KCNIP4: variants seen among roughly 807,000 people sequenced by gnomAD.
KCNIP4 encodes potassium voltage-gated channel interacting protein 4.
A neutral mutation model predicts 34.0 loss-of-function variants in KCNIP4; 12 were observed. That is an observed-to-expected ratio of 0.35 (90% CI 0.23 to 0.57). The LOEUF (loss-of-function observed/expected upper bound fraction) is 0.57, where lower values mean the gene tolerates loss of function less well. Ranked by LOEUF, KCNIP4 falls within the 20% of genes least tolerant of loss-of-function variation. The probability of loss-of-function intolerance (pLI) is 0.83; values close to 1 mark genes in which losing one functional copy is unlikely to be tolerated. For synonymous variants in KCNIP4, 124 were observed against 102.2 expected (o/e 1.21, Z -1.29); for missense variants, 238 against 311.7 (o/e 0.76, Z 1.78).
intron 1 of KCNIP4, among the ~76,000 whole-genome samples, chr4:21,514,955 C>G (rs1734638416): frequency 6.6e-6 from 1 of 152,200 alleles, no homozygotes; most frequent in Non-Finnish European, 1.5e-5. Flanking sequence ...CTATCCTAAA[C>G]ATGACCTATG....
At chr4:21,166,140 C>A (rs1414327139) in intron 1 of KCNIP4, among the ~76,000 whole-genome samples, 1 of 152,098 alleles carries the variant, frequency 6.6e-6, no homozygotes, top group Non-Finnish European at 1.5e-5. Context: ...TTTGTTATAG[C>A]ATCACAAATG....
intron 1 of KCNIP4, among the ~76,000 whole-genome samples, chr4:21,601,944 G>A (rs564504492): frequency 6.6e-6 from 1 of 152,202 alleles, no homozygotes; most frequent in South Asian, 2.1e-4. Flanking sequence ...ACTTTACTGT[G>A]CTTTATTTTC....
At chr4:20,779,749 A>G (rs1756705014) in intron 3 of KCNIP4, among the ~76,000 whole-genome samples, 1 of 152,034 alleles carries the variant, frequency 6.6e-6, no homozygotes, top group East Asian at 1.9e-4. Context: ...ACAGAGGAGG[A>G]AGGGATATGA....
chr4:21,350,934 A>T lies in KCNIP4; in HGVS notation c.62-468225T>A, dbSNP rs1328668562. Among the ~76,000 whole-genome samples, 3 of 152,204 alleles carry T rather than the reference A, an allele frequency of 2.0e-5. 1 individual carries two copies. The highest frequency in any genetic ancestry group is 1.3e-4 in the Admixed American group (2 of 15,268). ...ACTGTTATATCTTATAATGGAAGAA[A>T]ATCTGACTGTGGAGAAGTTACTGAG... is the stretch of plus-strand genomic sequence containing the variant. On this transcript the variant is annotated intron_variant, in intron 1 of 8. Coordinates refer to ENST00000382152, the MANE Select transcript of KCNIP4 (RefSeq NM_025221.6).
At chr4:21,892,386 C>T (rs2109403900) in intron 1 of KCNIP4, among the ~76,000 whole-genome samples, 1 of 151,704 alleles carries the variant, frequency 6.6e-6, no homozygotes, top group South Asian at 2.1e-4. Flanking sequence ...CCTCACAGGG[C>T]AGGGCAGTTA....
At chr4:21,455,822 T>TGTTCTC (rs757485848) in intron 1 of KCNIP4, among the ~76,000 whole-genome samples, 1 of 54,434 alleles carries the variant, frequency 1.8e-5, no homozygotes, top group Non-Finnish European at 4.1e-5. Flanking sequence ...TATATATATA[T>TGTTCTC]ATATATATAT....
intron 1 of KCNIP4, among the ~76,000 whole-genome samples, chr4:20,956,105 T>G (rs1577431145): frequency 1.3e-5 from 2 of 152,226 alleles, no homozygotes; most frequent in South Asian, 4.1e-4. Flanking sequence ...GGATCTATCT[T>G]TCACTCTTAG....
At chr4:21,830,533 G>A (rs527750163) in intron 1 of KCNIP4, among the ~76,000 whole-genome samples, 16 of 151,988 alleles carry the variant, frequency 1.1e-4, no homozygotes, top group East Asian at 3.9e-4. Context: ...ACAAAAATTC[G>A]CCGGGTGCCA....
intron 1 of KCNIP4, among the ~76,000 whole-genome samples, chr4:20,975,288 G>A (rs562588867): frequency 6.6e-6 from 1 of 152,150 alleles, no homozygotes; most frequent in African/African-American, 2.4e-5. Context: ...GCTCAATGTA[G>A]TGCAACAGTC....
At chr4:21,399,876 G>A (rs763798063) in intron 1 of KCNIP4, among the ~76,000 whole-genome samples, 35 of 152,262 alleles carry the variant, frequency 2.3e-4, no homozygotes, top group Non-Finnish European at 4.0e-4. Flanking sequence ...GTGGAGCAGG[G>A]CCAGTAGAGA....
intron 1 of KCNIP4, among the ~76,000 whole-genome samples, chr4:21,907,629 C>A (rs1409645564): frequency 6.6e-6 from 1 of 152,072 alleles, no homozygotes; most frequent in Non-Finnish European, 1.5e-5. Flanking sequence ...ATGTCAATTG[C>A]CTTTGAAACG....
chr4:21,765,640 GT>G (rs939610242), intron 1 of KCNIP4, among the ~76,000 whole-genome samples: 6 of 150,938 alleles, frequency 4.0e-5, no homozygotes, highest in African/African-American at 1.5e-4. Context: ...TTTTTCTTGT[GT>G]TAATACATAT....
chr4:20,790,728 C>A (rs1213455186), intron 3 of KCNIP4, among the ~76,000 whole-genome samples: 1 of 152,058 alleles, frequency 6.6e-6, no homozygotes, highest in African/African-American at 2.4e-5. Flanking sequence ...GTTGACAAAG[C>A]CATAAGAAAA....
intron 1 of KCNIP4, chr4:21,848,944 A>ATGTGTGTGTGTG (rs199564603): frequency 6.3e-4 from 36 of 57,368 alleles, no homozygotes; most frequent in African/African-American, 2.2e-3. Flanking sequence ...TGATATACAT[A>ATGTGTGTGTGTG]TATGTGTGTG....
chr4:20,832,027 T>C (rs747970929), intron 3 of KCNIP4, among the ~76,000 whole-genome samples: 2 of 152,180 alleles, frequency 1.3e-5, no homozygotes, highest in Non-Finnish European at 2.9e-5. Flanking sequence ...ATATCCTTTC[T>C]TGGAATTTAC....
chr4:21,700,865 A>G (rs901784028), intron 1 of KCNIP4, among the ~76,000 whole-genome samples: 3 of 152,166 alleles, frequency 2.0e-5, no homozygotes, highest in Non-Finnish European at 4.4e-5. Context: ...TCCTCTCCCC[A>G]TGGTGTGTTC....
At chr4:21,088,595 A>G (rs180781633) in intron 1 of KCNIP4, among the ~76,000 whole-genome samples, 1 of 152,214 alleles carries the variant, frequency 6.6e-6, no homozygotes, top group African/African-American at 2.4e-5. Flanking sequence ...CTCATGATTC[A>G]TTATTTCCTC....
At chr4:21,921,123 T>C (rs1190501895) in intron 1 of KCNIP4, among the ~76,000 whole-genome samples, 1 of 152,204 alleles carries the variant, frequency 6.6e-6, no homozygotes, top group African/African-American at 2.4e-5. Flanking sequence ...ACTATATCTA[T>C]TCATTTTTAT....
At chr4:21,695,789 A>C (rs1387343991) in intron 1 of KCNIP4, among the ~76,000 whole-genome samples, 1 of 151,260 alleles carries the variant, frequency 6.6e-6, no homozygotes, top group East Asian at 1.9e-4. Context: ...ACAACCATGG[A>C]AACCTCATGG....
Sources: allele counts gnomAD v4.1 joint callset (sites outside exome capture counted in the v4.1 genomes callset), GRCh38; gene constraint gnomAD v4.1.1; transcripts MANE v1.5; gene names NCBI Gene and HGNC (gene_info 2026-07-23, HGNC 2026-07-21).